Variants in ARHGEF6 observed in about 807,000 individuals in gnomAD.
ARHGEF6 encodes rho guanine nucleotide exchange factor 6.
ARHGEF6 carries 9 observed loss-of-function variants against 70.3 expected under a neutral mutation model. The ratio of observed to expected loss-of-function variants is 0.13; its 90% CI spans 0.08 to 0.22. The LOEUF is 0.22. Ranked by LOEUF, ARHGEF6 falls within the 10% of genes least tolerant of loss-of-function variation. The pLI is 1.00. For missense variants in ARHGEF6, 470 were observed against 563.0 expected (o/e 0.83, Z 1.67); for synonymous variants, 201 against 207.8 (o/e 0.97, Z 0.28).
intron 21 of ARHGEF6, among the ~76,000 whole-genome samples, chrX:136,668,515 C>CTTA (rs1425654202): frequency 1.7e-4 from 16 of 91,871 alleles, no homozygotes; most frequent in African/African-American, 7.0e-4. Context: ...CCTGGTATTT[C>CTTA]TTCTTCTTCT....
chrX:136,686,627 TATATATATATATATAC>T (rs1569393869), intron 11 of ARHGEF6, among the ~76,000 whole-genome samples: 112 of 52,286 alleles, frequency 2.1e-3, no homozygotes, highest in African/African-American at 0.014. Context: ...TATATACACA[TATATATATATATATAC>T]ACACATATAT....
Position 136,680,753 on chromosome X carries a change from G to A in ARHGEF6, c.1682C>T (p.Ser561Leu), listed in dbSNP as rs767903935. Residue 561 changes from serine to leucine, a missense_variant, in exon 15 of 22, where the codon TCG (serine) becomes TTG (leucine). Around this residue, in one of 3 missense-constraint regions of ARHGEF6, gnomAD observed 379 missense variants for 449.3 expected, o/e 0.84. Transcript: ENST00000250617. ...TACAGAATGAGCACTACATGATGAC[G>A]ATGAGGTTTTGGATAATGAACTGCA... Reference protein sequence around the residue: ...ASCSSLSKTSSSSCSAHSSFS... With the variant: ...ASCSSLSKTSLSSCSAHSSFS... The A allele has an allele frequency of 7.4e-6, 9 of 1,210,024 alleles. No homozygotes were observed. The highest frequency in any genetic ancestry group is 6.5e-5 in the Admixed American group (3 of 45,855).
chrX:136,752,835 T>C (rs1326764872), intron 2 of ARHGEF6, among the ~76,000 whole-genome samples: 2 of 112,395 alleles, frequency 1.8e-5, no homozygotes, highest in Admixed American at 9.5e-5. Flanking sequence ...ATTGCTCTTA[T>C]TGAACAAAAT....
Position 136,679,582 on chromosome X carries a change from G to T in ARHGEF6, c.1783C>A (p.Arg595=). ...GATGGTCTAAGTGGAGGTGCAGGTC[G>T]TAGACAACTTAAACTCCACGGTTTT... ...IIKPWSLSCL[R]PAPPLRPSAA... Residue 595 remains arginine (R), a synonymous_variant, in exon 16 of 22, where the codon CGA becomes AGA. Coordinates refer to ENST00000250617, the MANE Select transcript of ARHGEF6 (RefSeq NM_004840.3). 2 of 1,210,953 alleles carry T rather than the reference G, an allele frequency of 1.7e-6. No homozygotes were observed. The highest frequency in any genetic ancestry group is 2.2e-6 in the Non-Finnish European group (2 of 894,744).
intron 9 of ARHGEF6, among the ~76,000 whole-genome samples, chrX:136,705,571 T>C (rs764516863): frequency 8.9e-6 from 1 of 111,929 alleles, no homozygotes; most frequent in East Asian, 2.8e-4. Context: ...AAAGCAGAGA[T>C]GGTAATAATA....
At chrX:136,763,627 C>A (rs773927650) in intron 2 of ARHGEF6, among the ~76,000 whole-genome samples, 2 of 111,759 alleles carry the variant, frequency 1.8e-5, no homozygotes, top group South Asian at 7.5e-4. Flanking sequence ...GAGTTCAAGA[C>A]CAGCCTGGCC....
chrX:136,685,853 T>C (rs1007434034), intron 11 of ARHGEF6, 30 bp from the exon 12 acceptor site: 4 of 1,200,721 alleles, frequency 3.3e-6, no homozygotes, highest in African/African-American at 3.5e-5. Flanking sequence ...CATAATGGAA[T>C]AGGAATTCTT....
At chrX:136,673,930 A>T (rs1222225721) in intron 19 of ARHGEF6, among the ~76,000 whole-genome samples, 1 of 109,731 alleles carries the variant, frequency 9.1e-6, no homozygotes, top group East Asian at 2.8e-4. Context: ...GCAGTGGTGC[A>T]ATCTTGGCTC....
chrX:136,768,233 A>G (rs1287441897), intron 2 of ARHGEF6, among the ~76,000 whole-genome samples: 1 of 112,400 alleles, frequency 8.9e-6, no homozygotes, highest in African/African-American at 3.2e-5. Context: ...TTTGAGAGAG[A>G]ACGAAAATGT....
chrX:136,757,365 C>A (rs909407241), intron 2 of ARHGEF6, among the ~76,000 whole-genome samples: 5 of 112,180 alleles, frequency 4.5e-5, no homozygotes, highest in Admixed American at 3.8e-4. Flanking sequence ...CTGTCGCACT[C>A]TAGCCTGGAT....
chrX:136,760,560 A>G (rs150837583), intron 2 of ARHGEF6, among the ~76,000 whole-genome samples: 66 of 112,914 alleles, frequency 5.8e-4, no homozygotes, highest in Non-Finnish European at 1.1e-3. Flanking sequence ...GATTCTAATA[A>G]TTAATCAAAT....
intron 6 of ARHGEF6, among the ~76,000 whole-genome samples, chrX:136,725,363 GC>G (rs367945565): frequency 0.04 from 3,964 of 98,590 alleles, 188 homozygotes; most frequent in African/African-American, 0.14. Flanking sequence ...ATCAAATTAT[GC>G]CCCCCCCCCA....
chrX:136,720,875 CA>C lies in ARHGEF6; in HGVS notation c.733-7506del, dbSNP rs368572163. On this transcript the variant is annotated intron_variant, in intron 6 of 21. Coordinates refer to ENST00000250617, the MANE Select transcript of ARHGEF6 (RefSeq NM_004840.3). ...TATCAGCAATAAACAAAATCTGAAACAAAAAAATAATATTTAGATTAGCACC... is the reference window on the plus strand; with the variant it reads ...TATCAGCAATAAACAAAATCTGAAACAAAAAATAATATTTAGATTAGCACC... Among the ~76,000 whole-genome samples, 647 of 110,843 alleles carry C rather than the reference CA, an allele frequency of 5.8e-3. 9 individuals are homozygous for C. The highest frequency in any genetic ancestry group is 0.02 in the African/African-American group (611 of 30,554).
chrX:136,669,897 T>C (rs2076205126), intron 20 of ARHGEF6, among the ~76,000 whole-genome samples: 1 of 112,388 alleles, frequency 8.9e-6, no homozygotes, highest in Non-Finnish European at 1.9e-5. Flanking sequence ...ATGTGATGTC[T>C]TGATATATGT....
chrX:136,735,070 A>G (rs984914365), intron 5 of ARHGEF6, among the ~76,000 whole-genome samples: 1 of 112,185 alleles, frequency 8.9e-6, no homozygotes, highest in Non-Finnish European at 1.9e-5. Flanking sequence ...CTTTCCCCCT[A>G]AGATCAGGAA....
At chrX:136,724,415 A>G (rs2076833260) in intron 6 of ARHGEF6, among the ~76,000 whole-genome samples, 1 of 111,449 alleles carries the variant, frequency 9.0e-6, no homozygotes, top group Non-Finnish European at 1.9e-5. Context: ...TCTGGTAACA[A>G]GCCATCTCAC....
chrX:136,675,800 A>G (rs770587618), intron 18 of ARHGEF6, among the ~76,000 whole-genome samples: 79 of 111,046 alleles, frequency 7.1e-4, no homozygotes, highest in Non-Finnish European at 9.5e-5. Context: ...GATTACAGGC[A>G]TGAGCCACCG....
chrX:136,693,858 A>G (rs989735017), intron 9 of ARHGEF6, among the ~76,000 whole-genome samples: 2 of 111,421 alleles, frequency 1.8e-5, no homozygotes, highest in African/African-American at 6.5e-5. Context: ...CTACCCCACC[A>G]GCCCTTCGGG....
chrX:136,683,161 G>A (rs955080268), intron 12 of ARHGEF6, among the ~76,000 whole-genome samples: 6 of 111,119 alleles, frequency 5.4e-5, no homozygotes, highest in Admixed American at 9.6e-5. Flanking sequence ...TGCTAGACCT[G>A]GGCACAAAAT....
Sources: allele counts gnomAD v4.1 joint callset (sites outside exome capture counted in the v4.1 genomes callset), GRCh38; gene constraint gnomAD v4.1.1; regional missense constraint gnomAD v4.1.1; transcripts MANE v1.5; gene names NCBI Gene and HGNC (gene_info 2026-07-23, HGNC 2026-07-21).